Variants in TINAGL1 observed in about 807,000 individuals in gnomAD.
The protein encoded by TINAGL1 is tubulointerstitial nephritis antigen-like.
TINAGL1 carries 34 observed loss-of-function variants against 62.0 expected under a neutral mutation model. The observed-to-expected ratio is 0.55, with a 90% CI of 0.42 to 0.73. The LOEUF (loss-of-function observed/expected upper bound fraction) is 0.73. Among genes scored for constraint, TINAGL1 ranks in the 30% least tolerant of loss-of-function variants. The pLI is 0.00. For synonymous variants in TINAGL1, 221 were observed against 249.7 expected, an observed-to-expected ratio of 0.88 and a Z score of 1.08; for missense variants, 516 against 653.2, an observed-to-expected ratio of 0.79 and a Z score of 2.29.
At position 31,583,804 on chromosome 1, in the gene TINAGL1, T is replaced by TC; in HGVS notation, c.582+235dup. On this transcript the variant is annotated intron_variant, in intron 5 of 11. Transcript: ENST00000271064. This position sits in a 1 kb window ranked among gnomAD's most constrained non-coding sequence, Gnocchi z 4.4. Reference sequence around the variant, plus strand: ...TGAATTTCGTGGTCTTGGCATCAGCTCCCCCCTGATCTCTCCAGCCTGGGA... The same window carrying TC: ...TGAATTTCGTGGTCTTGGCATCAGCTCCCCCCCTGATCTCTCCAGCCTGGGA... The TC allele has an allele frequency of 3.6e-6, 2 of 552,974 alleles. No individual in the cohort carries two copies. The highest frequency in any genetic ancestry group is 2.1e-5 in the South Asian group (1 of 47,164). The allele number at this position is 552,974 out of a possible 1,614,324, so 34.3% of individuals were successfully genotyped here. A position where few individuals can be genotyped will look rare whatever the true frequency, so the allele number is the denominator to read the frequency against.
chr1:31,586,307 C>T (rs983785969), intron 10 of TINAGL1: 13 of 347,288 alleles, frequency 3.7e-5, no homozygotes, highest in Admixed American at 9.0e-5. Flanking sequence ...TGGGAATTGG[C>T]GGTCTCTAAG....
Position 31,585,507 on chromosome 1 carries a change from C to G in TINAGL1, c.1093+22C>G, listed in dbSNP as rs769776887. ...CAAGGTAAACCCCCTTATCCAGCAC[C>G]CTGGTTCCAGAAGCTTGTGCCTGCT... On this transcript the variant is annotated intron_variant, in intron 9 of 11. Coordinates refer to ENST00000271064, the MANE Select transcript of TINAGL1 (RefSeq NM_022164.3). This position sits in a 1 kb window ranked among gnomAD's most constrained non-coding sequence, Gnocchi z 4.3. 6.2e-7 allele frequency: 1 copy of G among 1,613,614 alleles called. No homozygotes were observed. The highest frequency in any genetic ancestry group is 1.1e-5 in the South Asian group (1 of 91,040).
At position 31,577,209 on chromosome 1, in the gene TINAGL1, G is replaced by T. The variant is rs777926322; in HGVS notation, c.61G>T (p.Gly21Cys). Reference protein sequence around the residue: ...LLPLAGHLALGAQQGRGRREL... With the variant: ...LLPLAGHLALCAQQGRGRREL... ...GCCGCTGGCTGGCCACTTGGCTCTG[G>T]GTGCCCAGCAGGGTCGTGGGCGCCG... The change falls in exon 2 of 12, where the codon GGT (glycine) becomes TGT (cysteine). Residue 21 changes from glycine (G) to cysteine (C), a missense_variant. Physicochemically the swap from Gly to Cys is radical, Grantham distance 159. Transcript: ENST00000271064. This position sits in a 1 kb window ranked among gnomAD's most constrained non-coding sequence, Gnocchi z 5.4. The T allele has an allele frequency of 1.8e-5, 29 of 1,596,352 alleles. No homozygotes were observed. Among genetic ancestry groups the T allele is most frequent in the Non-Finnish European group, 2.3e-5 (27 of 1,172,680 alleles).
At chr1:31,578,252 G>A in intron 2 of TINAGL1, 1 of 568,512 alleles carries the variant, frequency 1.8e-6, no homozygotes, top group Non-Finnish European at 2.2e-6. Flanking sequence ...TGGTGTGTGT[G>A]TGTGTGTGTG....
Position 31,583,181 on chromosome 1 carries a change from A to G in TINAGL1, c.407A>G (p.Asp136Gly). 6.2e-7 allele frequency: 1 copy of G among 1,614,114 alleles called. No individual in the cohort carries two copies. The highest frequency in any genetic ancestry group is 2.2e-5 in the East Asian group (1 of 44,868). ...TCQENRQWQCDQEPCLVDPDM... is the reference protein window; with the variant it reads ...TCQENRQWQCGQEPCLVDPDM... Reference sequence around the variant, plus strand: ...CAGGAGAACAGGCAGTGGCAGTGTGACCAAGAACCATGCCTGGTGGATCCA... The same window carrying G: ...CAGGAGAACAGGCAGTGGCAGTGTGGCCAAGAACCATGCCTGGTGGATCCA... Residue 136 changes from aspartate (D) to glycine (G), a missense_variant, in exon 4 of 12, where the codon GAC becomes GGC. Transcript: ENST00000271064. The surrounding 1 kb of genome is among the most constrained non-coding windows in gnomAD (Gnocchi z 4.4).
At position 31,584,682 on chromosome 1, in the gene TINAGL1, T is replaced by C. The variant is rs769702262; in HGVS notation, c.587T>C (p.Val196Ala). 3.7e-5 allele frequency: 60 copies of C among 1,613,330 alleles called. No homozygotes were observed. The highest frequency in any genetic ancestry group is 4.9e-5 in the Non-Finnish European group (58 of 1,180,038). The change falls in exon 6 of 12, where the codon GTG (valine) becomes GCG (alanine). Residue 196 changes from valine (V) to alanine (A), a missense_variant. Val to Ala is a moderately conservative substitution (Grantham distance 64). Transcript: ENST00000271064. This position sits in a 1 kb window ranked among gnomAD's most constrained non-coding sequence, Gnocchi z 4.0. ...SVMNMHEIYT[V>A]LNPGEVLPTA... ...AGGGCAACCTTTATCTTGCAGACAGTGCTGAACCCAGGGGAGGTGCTTCCC... is the reference window on the plus strand; with the variant it reads ...AGGGCAACCTTTATCTTGCAGACAGCGCTGAACCCAGGGGAGGTGCTTCCC...
chr1:31,580,955 G>C (rs1391263689), intron 3 of TINAGL1, among the ~76,000 whole-genome samples: 1 of 152,220 alleles, frequency 6.6e-6, no homozygotes, highest in African/African-American at 2.4e-5. Flanking sequence ...AGGGAAAAGA[G>C]AGGATAACGG....
chr1:31,580,645 C>T, intron 3 of TINAGL1: 1 of 1,289,164 alleles, frequency 7.8e-7, no homozygotes. Flanking sequence ...GGTCTTGGCT[C>T]CCCTTGAGGC....
At position 31,577,105 on chromosome 1, in the gene TINAGL1, C is replaced by T. The variant is rs1425655480; in HGVS notation, c.-15-29C>T. 1 of 1,439,148 alleles carries T rather than the reference C, an allele frequency of 6.9e-7. No homozygotes were observed. Among genetic ancestry groups the T allele is most frequent in the East Asian group, 2.5e-5 (1 of 40,530 alleles). The allele number at this position is 1,439,148 out of a possible 1,614,324, so 89.1% of individuals were successfully genotyped here. A position where few individuals can be genotyped will look rare whatever the true frequency, so the allele number is the denominator to read the frequency against. On this transcript the variant is annotated intron_variant, in intron 1 of 11. Transcript: ENST00000271064. The surrounding 1 kb of genome is among the most constrained non-coding windows in gnomAD (Gnocchi z 5.4). Reference sequence around the variant, plus strand: ...ACTCATCCCTGGTGTTCCAGGGAGTCTCTGCTGCCCACCATCTCTGCCCCC... The same window carrying T: ...ACTCATCCCTGGTGTTCCAGGGAGTTTCTGCTGCCCACCATCTCTGCCCCC...
chr1:31,577,206 CTGGGTGCCCAGCAGGGTCG>C lies in TINAGL1; in HGVS notation c.63_81del (p.Gln23GlyfsTer3). ...GCTGCCGCTGGCTGGCCACTTGGCT[CTGGGTGCCCAGCAGGGTCG>C]TGGGCGCCGGGAGCTAGCACCGGGT... On this transcript the variant is annotated frameshift_variant, in exon 2 of 12. Coordinates refer to ENST00000271064, the MANE Select transcript of TINAGL1 (RefSeq NM_022164.3). LOFTEE classifies it high-confidence loss of function. The surrounding 1 kb of genome is among the most constrained non-coding windows in gnomAD (Gnocchi z 5.4). The C allele has an allele frequency of 1.9e-6, 3 of 1,595,658 alleles. No individual in the cohort carries two copies. The highest frequency in any genetic ancestry group is 2.6e-6 in the Non-Finnish European group (3 of 1,172,442).
Position 31,583,061 on chromosome 1 carries a change from C to A in TINAGL1, c.375-88C>A. On this transcript the variant is annotated intron_variant, in intron 3 of 11. Coordinates refer to ENST00000271064, the MANE Select transcript of TINAGL1 (RefSeq NM_022164.3). The surrounding 1 kb of genome is among the most constrained non-coding windows in gnomAD (Gnocchi z 4.4). ...CTCCCACAGTCACTTGCACAGACTCCCTGGCCCATGTTAACCTCCGAGGCC... is the reference window on the plus strand; with the variant it reads ...CTCCCACAGTCACTTGCACAGACTCACTGGCCCATGTTAACCTCCGAGGCC... 8.6e-7 allele frequency: 1 copy of A among 1,169,068 alleles called. No individual in the cohort carries two copies. The highest frequency in any genetic ancestry group is 1.3e-6 in the Non-Finnish European group (1 of 777,590). The allele number at this position is 1,169,068 out of a possible 1,614,324, so 72.4% of individuals were successfully genotyped here. A position where few individuals can be genotyped will look rare whatever the true frequency, so the allele number is the denominator to read the frequency against.
chr1:31,585,663 A>C lies in TINAGL1; in HGVS notation c.1094-90A>C, dbSNP rs1161714519. 32 of 1,548,292 alleles carry C rather than the reference A, an allele frequency of 2.1e-5. No individual in the cohort carries two copies. The highest frequency in any genetic ancestry group is 2.8e-5 in the Non-Finnish European group (32 of 1,145,718). On this transcript the variant is annotated intron_variant, in intron 9 of 11. Coordinates refer to ENST00000271064, the MANE Select transcript of TINAGL1 (RefSeq NM_022164.3). The surrounding 1 kb of genome is among the most constrained non-coding windows in gnomAD (Gnocchi z 4.3). ...GCACTTAGAGCTTTGGTATGGAGGG[A>C]CCCTGGTGCCTGGGCACATCTCAAT... is the stretch of plus-strand genomic sequence containing the variant.
chr1:31,582,826 C>T (rs1413834842), intron 3 of TINAGL1, among the ~76,000 whole-genome samples: 1 of 149,520 alleles, frequency 6.7e-6, no homozygotes, highest in East Asian at 2.0e-4. Flanking sequence ...ATAGAGTTGC[C>T]GTTTTCTGAG....
chr1:31,578,181 A>G (rs1639052602), intron 2 of TINAGL1: 2 of 986,186 alleles, frequency 2.0e-6, no homozygotes, highest in South Asian at 4.7e-5. Flanking sequence ...CTTCCCAAAC[A>G]GCAGTTGGTG....
Position 31,584,660 on chromosome 1 carries a change from G to A in TINAGL1, c.583-18G>A, listed in dbSNP as rs772708784. 2.5e-6 allele frequency: 4 copies of A among 1,612,684 alleles called. No homozygotes were observed. The highest frequency in any genetic ancestry group is 1.7e-6 in the Non-Finnish European group (2 of 1,180,000). ...CAGGGCAGAGCAGGAGGCAGACAGG[G>A]CAACCTTTATCTTGCAGACAGTGCT... On this transcript the variant is annotated intron_variant, in intron 5 of 11. Coordinates refer to ENST00000271064, the MANE Select transcript of TINAGL1 (RefSeq NM_022164.3). The surrounding 1 kb of genome is among the most constrained non-coding windows in gnomAD (Gnocchi z 4.0).
chr1:31,578,111 G>GAATGTTGT, intron 2 of TINAGL1: 1 of 983,938 alleles, frequency 1.0e-6, no homozygotes. Flanking sequence ...AGGATCCCAG[G>GAATGTTGT]AATGTTGTGG....
rs750564349 is a variant in TINAGL1 at position 31,585,211 on chromosome 1, G to GC, written c.924dup (p.Cys309LeufsTer25). 6.2e-7 allele frequency: 1 copy of GC among 1,611,402 alleles called. No homozygotes were observed. The highest frequency in any genetic ancestry group is 8.5e-7 in the Non-Finnish European group (1 of 1,178,528). On this transcript the variant is annotated frameshift_variant, in exon 8 of 12. Transcript: ENST00000271064. LOFTEE classifies it high-confidence loss of function. The surrounding 1 kb of genome is among the most constrained non-coding windows in gnomAD (Gnocchi z 4.3). Reference sequence around the variant, plus strand: ...GTGAACGAGACGAGGCTGGCCCTGCGCCCCCCTGTATGATGCACAGCCGAG... The same window carrying GC: ...GTGAACGAGACGAGGCTGGCCCTGCGCCCCCCCTGTATGATGCACAGCCGAG...
At chr1:31,578,145 G>T (rs1639051380) in intron 2 of TINAGL1, 2 of 986,824 alleles carry the variant, frequency 2.0e-6, no homozygotes, top group African/African-American at 3.5e-5. Flanking sequence ...AAAGTAAGAG[G>T]AATCCAGGTT....
In TINAGL1 at chr1:31,577,230, C is replaced by T. The variant is rs768581494; in HGVS notation, c.82C>T (p.Arg28Cys). The change falls in exon 2 of 12, where the codon CGC becomes TGC. Residue 28 changes from arginine to cysteine, a missense_variant. Coordinates refer to ENST00000271064, the MANE Select transcript of TINAGL1 (RefSeq NM_022164.3). This position sits in a 1 kb window ranked among gnomAD's most constrained non-coding sequence, Gnocchi z 5.4. ...LALGAQQGRG[R>C]RELAPGLHLR... ...TCTGGGTGCCCAGCAGGGTCGTGGG[C>T]GCCGGGAGCTAGCACCGGGTCTGCA... is the stretch of plus-strand genomic sequence containing the variant. 5.0e-6 allele frequency: 8 copies of T among 1,605,218 alleles called. No individual in the cohort carries two copies. The highest frequency in any genetic ancestry group is 6.8e-6 in the Non-Finnish European group (8 of 1,177,070).
Sources: gnomAD v4.1 joint callset for allele counts (sites outside exome capture counted in the v4.1 genomes callset) on GRCh38, gnomAD v4.1.1 for gene constraint, Gnocchi (gnomAD v3.1) non-coding constraint, MANE v1.5 for transcripts, NCBI Gene and HGNC (gene_info 2026-07-23, HGNC 2026-07-21) for gene names.